Variants in CDKL3 observed in about 807,000 individuals in gnomAD.
CDKL3 encodes cyclin-dependent kinase-like 3.
Under a neutral mutation model 69.3 loss-of-function variants are expected in CDKL3, and 65 were observed. The ratio of observed to expected loss-of-function variants is 0.94; its 90% CI spans 0.77 to 1.15. The LOEUF (loss-of-function observed/expected upper bound fraction) is 1.15, where lower values mean the gene tolerates loss of function less well. Among genes scored for constraint, CDKL3 ranks in the 50% most tolerant of loss-of-function variants. The pLI is 0.00. For synonymous variants in CDKL3, 202 were observed against 221.6 expected (o/e 0.91, Z 0.79); for missense variants, 652 against 689.2 (o/e 0.95, Z 0.61).
chr5:134,326,855 A>G (rs1355739199), intron 4 of CDKL3, among the ~76,000 whole-genome samples: 12 of 104,036 alleles, frequency 1.2e-4, no homozygotes, highest in African/African-American at 4.8e-4. Flanking sequence ...ATATATATAT[A>G]TATATATATA....
At chr5:134,339,607 A>T (rs1403776983) in intron 4 of CDKL3, among the ~76,000 whole-genome samples, 1 of 152,196 alleles carries the variant, frequency 6.6e-6, no homozygotes. Flanking sequence ...ACAACAATAG[A>T]ATATACATTT....
intron 2 of CDKL3, among the ~76,000 whole-genome samples, chr5:134,363,986 A>AAAG (rs2149665785): frequency 6.6e-6 from 1 of 150,940 alleles, no homozygotes; most frequent in East Asian, 1.9e-4. Context: ...AAAGAGAGAG[A>AAAG]AAGAAGGCAA....
chr5:134,301,486 G>A (rs1364478188), intron 12 of CDKL3, among the ~76,000 whole-genome samples: 3 of 152,084 alleles, frequency 2.0e-5, no homozygotes, highest in African/African-American at 7.2e-5. Context: ...TTCTTACAGA[G>A]TTTCAGATTT....
chr5:134,358,610 A>T (rs993144677), intron 3 of CDKL3, among the ~76,000 whole-genome samples: 6 of 150,458 alleles, frequency 4.0e-5, no homozygotes, highest in Non-Finnish European at 1.5e-5. Context: ...TTATTTATTT[A>T]TTTATTTTAT....
intron 1 of CDKL3, among the ~76,000 whole-genome samples, 175 bp downstream of exon 1, chr5:134,366,802 G>C (rs146141983): frequency 1.1e-4 from 16 of 151,776 alleles, no homozygotes; most frequent in Non-Finnish European, 2.2e-4. Flanking sequence ...TCAACACTGA[G>C]ACTACCACAC....
downstream of CDKL3, among the ~76,000 whole-genome samples, chr5:134,296,439 A>G (rs1424908074): frequency 1.3e-5 from 2 of 152,178 alleles, no homozygotes; most frequent in South Asian, 2.1e-4. Flanking sequence ...AAAGTTTTAC[A>G]TATTTATGAG....
At chr5:134,304,273 C>A in intron 11 of CDKL3, 132 bp downstream of exon 11, 1 of 692,926 alleles carries the variant, frequency 1.4e-6, no homozygotes, top group East Asian at 2.9e-5. Flanking sequence ...GAGAAAATCT[C>A]ATCAGCTGAA....
chr5:134,354,201 C>T lies in CDKL3; in HGVS notation c.361-3774G>A, dbSNP rs1343627236. Among the ~76,000 whole-genome samples, 3 of 152,178 alleles carry T rather than the reference C, an allele frequency of 2.0e-5. 1 individual carries two copies. The highest frequency in any genetic ancestry group is 7.2e-5 in the African/African-American group (3 of 41,434). ...TGTCTGTTTACTTGTCTGAAACCCC[C>T]ACTAAACCATAAGCTCCGTGAGGGC... On this transcript the variant is annotated intron_variant, in intron 3 of 12. Transcript: ENST00000265334.
chr5:134,289,160 T>C (rs1456454467), intron 8 of CDKL3, among the ~76,000 whole-genome samples: 5 of 86,722 alleles, frequency 5.8e-5, no homozygotes, highest in Non-Finnish European at 9.6e-5. Flanking sequence ...AGACCCTGTC[T>C]CATAAAAAAA....
intron 4 of CDKL3, among the ~76,000 whole-genome samples, chr5:134,346,772 AG>A (rs758825072): frequency 5.3e-5 from 8 of 152,316 alleles, no homozygotes; most frequent in Non-Finnish European, 1.0e-4. Flanking sequence ...CTGGGATTAC[AG>A]GCATGAGCCA....
chr5:134,339,600 A>T (rs952376938), intron 4 of CDKL3, among the ~76,000 whole-genome samples: 1 of 152,194 alleles, frequency 6.6e-6, no homozygotes, highest in African/African-American at 2.4e-5. Context: ...TTACAGAACA[A>T]CAATAGAATA....
intron 2 of CDKL3, among the ~76,000 whole-genome samples, chr5:134,364,011 T>C (rs1229315614): frequency 6.8e-6 from 1 of 147,022 alleles, no homozygotes; most frequent in Non-Finnish European, 1.5e-5. Flanking sequence ...ATCCATCATA[T>C]CTCATATAGA....
chr5:134,299,650 C>A, intron 12 of CDKL3: 1 of 1,514,216 alleles, frequency 6.6e-7, no homozygotes, highest in Non-Finnish European at 8.8e-7. Context: ...TTTTAAAAAA[C>A]CATACAGTGA....
intron 4 of CDKL3, among the ~76,000 whole-genome samples, chr5:134,334,004 T>C (rs192605535): frequency 3.3e-5 from 5 of 152,352 alleles, no homozygotes; most frequent in Admixed American, 1.3e-4. Flanking sequence ...TATTGGTCTA[T>C]TCAGAGATTC....
At chr5:134,343,500 G>A (rs1751053175) in intron 4 of CDKL3, among the ~76,000 whole-genome samples, 1 of 152,150 alleles carries the variant, frequency 6.6e-6, no homozygotes, top group African/African-American at 2.4e-5. Context: ...TTCTTGCCTG[G>A]GGACCAGATT....
intron 3 of CDKL3, 135 bp from the exon 4 acceptor site, chr5:134,350,562 C>T (rs1752996412): frequency 1.6e-6 from 1 of 629,238 alleles, no homozygotes; most frequent in South Asian, 2.1e-5. Flanking sequence ...GGATTAATTA[C>T]ACAATGCAAA....
chr5:134,366,094 T>A (rs1757351211), intron 2 of CDKL3, among the ~76,000 whole-genome samples: 1 of 152,238 alleles, frequency 6.6e-6, no homozygotes, highest in East Asian at 1.9e-4. Context: ...CACCATGCCT[T>A]GCACATAGCA....
chr5:134,312,202 T>C (rs1248487029), intron 7 of CDKL3, 90 bp downstream of exon 7: 2 of 738,936 alleles, frequency 2.7e-6, no homozygotes, highest in African/African-American at 3.6e-5. Flanking sequence ...ATTTGTTATA[T>C]AAAAGTAACC....
At chr5:134,287,385 T>A (rs1328807674) in intron 8 of CDKL3, among the ~76,000 whole-genome samples, 1 of 152,192 alleles carries the variant, frequency 6.6e-6, no homozygotes, top group Non-Finnish European at 1.5e-5. Flanking sequence ...GTGTTCCCTA[T>A]CCTTGTGACT....
Sources: gnomAD v4.1 joint callset for allele counts (sites outside exome capture counted in the v4.1 genomes callset) on GRCh38, gnomAD v4.1.1 for gene constraint, MANE v1.5 for transcripts, NCBI Gene and HGNC (gene_info 2026-07-23, HGNC 2026-07-21) for gene names.